Variants in TMEM132D observed in about 807,000 individuals in gnomAD.
TMEM132D encodes mature OL transmembrane protein.
In TMEM132D, 21 loss-of-function variants were observed where a neutral mutation model predicts 62.3. The observed-to-expected ratio is 0.34, with a 90% CI of 0.24 to 0.49. The LOEUF is 0.49. Ranked by LOEUF, TMEM132D falls within the 20% of genes least tolerant of loss-of-function variation. TMEM132D has a pLI of 0.99. For missense variants in TMEM132D, 1,346 were observed against 1,402.8 expected (o/e 0.96, Z 0.65); for synonymous variants, 621 against 575.6 (o/e 1.08, Z -1.13).
At chr12:129,627,978 T>A (rs1013704528) in intron 2 of TMEM132D, among the ~76,000 whole-genome samples, 2 of 152,160 alleles carry the variant, frequency 1.3e-5, no homozygotes, top group African/African-American at 4.8e-5. Context: ...CAAAGTGAGA[T>A]CTTGTCTCCA....
chr12:129,081,846 G>A lies in TMEM132D; in HGVS notation c.1836C>T (p.Asp612=), dbSNP rs1393509492. The part of the protein sequence containing the change: ...WQVDITELIN[D]FMQVEEPRIA... ...TCCTGGGCTCCTCCACCTGCATGAA[G>A]TCATTTATCAGCTCCGTGATGTCCA... Residue 612 remains aspartate (D), a synonymous_variant, in exon 7 of 9, where the codon GAC becomes GAT. Transcript: ENST00000422113. The A allele has an allele frequency of 1.2e-6, 2 of 1,613,712 alleles. No individual in the cohort carries two copies. Among genetic ancestry groups the A allele is most frequent in the Non-Finnish European group, 1.7e-6 (2 of 1,179,998 alleles).
chr12:129,343,618 C>T (rs1052181952), intron 3 of TMEM132D, among the ~76,000 whole-genome samples: 5 of 151,670 alleles, frequency 3.3e-5, no homozygotes, highest in Admixed American at 6.6e-5. Flanking sequence ...TTTGTTTTAC[C>T]GATAATAATG....
chr12:129,727,561 G>A (rs1869081914), intron 1 of TMEM132D, among the ~76,000 whole-genome samples: 1 of 152,042 alleles, frequency 6.6e-6, no homozygotes, highest in Non-Finnish European at 1.5e-5. Context: ...ACACTAAAAA[G>A]AAAGGAAGAA....
intron 3 of TMEM132D, among the ~76,000 whole-genome samples, chr12:129,339,912 C>T (rs78396737): frequency 0.03 from 4,620 of 152,206 alleles, 226 homozygotes; most frequent in African/African-American, 0.1. Context: ...CACATTCTAC[C>T]CCTATTTCCT....
intron 4 of TMEM132D, among the ~76,000 whole-genome samples, chr12:129,262,074 C>T (rs554148775): frequency 2.1e-4 from 32 of 152,198 alleles, no homozygotes; most frequent in African/African-American, 7.2e-4. Context: ...TCTGGAAACC[C>T]CTGGCTGAAA....
chr12:129,606,552 A>G (rs1565920435), intron 2 of TMEM132D, among the ~76,000 whole-genome samples: 1 of 152,168 alleles, frequency 6.6e-6, no homozygotes, highest in Non-Finnish European at 1.5e-5. Flanking sequence ...GCTGAGGACC[A>G]GGCTGGACAA....
At chr12:129,163,766 C>G (rs757337314) in intron 5 of TMEM132D, among the ~76,000 whole-genome samples, 1 of 152,190 alleles carries the variant, frequency 6.6e-6, no homozygotes, top group Non-Finnish European at 1.5e-5. Flanking sequence ...TCTGAAAATG[C>G]CCCTTCCTTC....
At chr12:129,831,397 A>C (rs1338416937) in intron 1 of TMEM132D, among the ~76,000 whole-genome samples, 1 of 152,196 alleles carries the variant, frequency 6.6e-6, no homozygotes, top group African/African-American at 2.4e-5. Flanking sequence ...CACAAGGCGC[A>C]ATGATATTTT....
chr12:129,106,350 G>A (rs1439963855), intron 5 of TMEM132D, among the ~76,000 whole-genome samples: 1 of 151,060 alleles, frequency 6.6e-6, no homozygotes, highest in East Asian at 1.9e-4. Flanking sequence ...GCATCAGCAT[G>A]GCACATGTAT....
At chr12:129,192,622 T>C (rs1259627568) in intron 5 of TMEM132D, among the ~76,000 whole-genome samples, 1 of 152,214 alleles carries the variant, frequency 6.6e-6, no homozygotes, top group Non-Finnish European at 1.5e-5. Flanking sequence ...GCCATTGGTG[T>C]CTCTTCTTAT....
At chr12:129,629,501 G>A (rs1258633969) in intron 2 of TMEM132D, among the ~76,000 whole-genome samples, 3 of 151,996 alleles carry the variant, frequency 2.0e-5, no homozygotes, top group African/African-American at 7.3e-5. Context: ...CCCCACCTAG[G>A]AGGCATCTTC....
At chr12:129,575,754 ATTTTTTTTTTTTTTTTT>A (rs71082736) in intron 2 of TMEM132D, among the ~76,000 whole-genome samples, 1 of 13,974 alleles carries the variant, frequency 7.2e-5, no homozygotes. Flanking sequence ...AGATAGATAC[ATTTTTTTTTTTTTTTTT>A]TTTTTTTTTT....
chr12:129,101,189 G>A (rs1875296338), intron 5 of TMEM132D, among the ~76,000 whole-genome samples: 1 of 152,196 alleles, frequency 6.6e-6, no homozygotes, highest in Non-Finnish European at 1.5e-5. Flanking sequence ...GTCGGTGGCA[G>A]GATCTAAGCT....
At chr12:129,383,128 G>A (rs1593358733) in intron 3 of TMEM132D, among the ~76,000 whole-genome samples, 1 of 152,210 alleles carries the variant, frequency 6.6e-6, no homozygotes, top group Non-Finnish European at 1.5e-5. Context: ...CAAATCAGGA[G>A]CTGCCCATCT....
At chr12:129,291,850 G>C (rs1881458542) in intron 4 of TMEM132D, among the ~76,000 whole-genome samples, 1 of 152,146 alleles carries the variant, frequency 6.6e-6, no homozygotes, top group Non-Finnish European at 1.5e-5. Flanking sequence ...AGGCTAGGAG[G>C]CTGGGGAAGG....
intron 3 of TMEM132D, among the ~76,000 whole-genome samples, chr12:129,383,864 G>A (rs753114759): frequency 2.3e-4 from 35 of 152,330 alleles, no homozygotes; most frequent in Non-Finnish European, 4.4e-4. Context: ...AAATCCCAGA[G>A]AGCCTGATTC....
chr12:129,704,548 C>G (rs1881458132), intron 1 of TMEM132D, among the ~76,000 whole-genome samples: 1 of 152,176 alleles, frequency 6.6e-6, no homozygotes, highest in African/African-American at 2.4e-5. Flanking sequence ...GAGTCCAAAC[C>G]TAAAATCACT....
intron 4 of TMEM132D, among the ~76,000 whole-genome samples, chr12:129,316,562 C>G (rs1410941411): frequency 6.6e-6 from 1 of 151,988 alleles, no homozygotes; most frequent in African/African-American, 2.4e-5. Context: ...TTTTTATGCC[C>G]TATGATATGT....
intron 1 of TMEM132D, among the ~76,000 whole-genome samples, chr12:129,864,627 G>A (rs1593191442): frequency 6.6e-6 from 1 of 152,230 alleles, no homozygotes; most frequent in African/African-American, 2.4e-5. Context: ...GGACAGCAGA[G>A]ACAAGAGATG....
Sources: gnomAD v4.1 joint callset for allele counts (sites outside exome capture counted in the v4.1 genomes callset) on GRCh38, gnomAD v4.1.1 for gene constraint, MANE v1.5 for transcripts, NCBI Gene and HGNC (gene_info 2026-07-23, HGNC 2026-07-21) for gene names.